Variants in ERBB4 observed in about 807,000 individuals in gnomAD.
The protein encoded by ERBB4 is erb-b2 receptor tyrosine kinase 4, also known as receptor tyrosine-protein kinase erbB-4.
In ERBB4, 42 loss-of-function variants were observed where a neutral mutation model predicts 158.0. The ratio of observed to expected loss-of-function variants is 0.27; its 90% CI spans 0.21 to 0.34. The LOEUF is 0.34. Ranked by LOEUF, ERBB4 falls within the 10% of genes least tolerant of loss-of-function variation. The probability of loss-of-function intolerance (pLI) is 1.00; values close to 1 mark genes in which losing one functional copy is unlikely to be tolerated. For missense variants in ERBB4, 1,333 were observed against 1,624.1 expected (o/e 0.82, Z 3.08); for synonymous variants, 583 against 558.7 (o/e 1.04, Z -0.61).
intron 3 of ERBB4, among the ~76,000 whole-genome samples, chr2:211,932,065 C>CT (rs1199812778): frequency 6.6e-6 from 1 of 151,960 alleles, no homozygotes; most frequent in Non-Finnish European, 1.5e-5. Flanking sequence ...AAAACTCAGG[C>CT]TTTTTTCTAC....
intron 3 of ERBB4, among the ~76,000 whole-genome samples, chr2:211,903,462 T>C (rs1341033666): frequency 6.6e-6 from 1 of 152,028 alleles, no homozygotes; most frequent in Admixed American, 6.6e-5. Flanking sequence ...GAAATCTGAC[T>C]TTGAAAGAAA....
chr2:212,273,134 AAAGAACAT>A (rs2085403828), intron 1 of ERBB4, among the ~76,000 whole-genome samples: 1 of 151,750 alleles, frequency 6.6e-6, no homozygotes, highest in African/African-American at 2.4e-5. Flanking sequence ...CTGGAAAAAG[AAAGAACAT>A]AATTTGCCAC....
At chr2:211,530,709 G>A (rs1213204225) in intron 20 of ERBB4, among the ~76,000 whole-genome samples, 1 of 151,968 alleles carries the variant, frequency 6.6e-6, no homozygotes, top group African/African-American at 2.4e-5. Context: ...GCAACATAGT[G>A]AAACCCTATT....
At chr2:211,658,510 T>C (rs942521346) in intron 15 of ERBB4, among the ~76,000 whole-genome samples, 9 of 152,308 alleles carry the variant, frequency 5.9e-5, no homozygotes, top group African/African-American at 2.2e-4. Context: ...ATGGATACTT[T>C]ACATAATCAC....
intron 2 of ERBB4, among the ~76,000 whole-genome samples, chr2:211,979,068 C>T (rs563953192): frequency 2.0e-5 from 3 of 152,176 alleles, no homozygotes; most frequent in Admixed American, 6.5e-5. Context: ...ACAGTAGCAA[C>T]GTAGATGCTC....
At chr2:211,587,117 C>A (rs1210703284) in intron 19 of ERBB4, among the ~76,000 whole-genome samples, 1 of 151,840 alleles carries the variant, frequency 6.6e-6, no homozygotes, top group Non-Finnish European at 1.5e-5. Context: ...TGCAGGGAGA[C>A]CAAGGTGTGT....
intron 14 of ERBB4, among the ~76,000 whole-genome samples, chr2:211,672,549 A>G (rs773251162): frequency 1.3e-5 from 2 of 152,140 alleles, no homozygotes; most frequent in African/African-American, 4.8e-5. Context: ...CCTCTGCCAT[A>G]GTATTTATTG....
At chr2:211,689,049 T>C (rs543839087) in intron 12 of ERBB4, among the ~76,000 whole-genome samples, 1 of 152,130 alleles carries the variant, frequency 6.6e-6, no homozygotes, top group African/African-American at 2.4e-5. Flanking sequence ...AGCTGAATGA[T>C]TTGATGTTTT....
chr2:211,897,375 A>G (rs990177093), intron 3 of ERBB4, among the ~76,000 whole-genome samples: 1 of 151,630 alleles, frequency 6.6e-6, no homozygotes, highest in African/African-American at 2.4e-5. Context: ...ATAGTGTTTT[A>G]CCTTTATAAT....
chr2:211,816,290 C>T (rs1052370480), intron 3 of ERBB4, among the ~76,000 whole-genome samples: 32 of 151,894 alleles, frequency 2.1e-4, no homozygotes, highest in African/African-American at 6.8e-4. Flanking sequence ...CCTGTAATCC[C>T]AGGGCTTTGG....
At chr2:212,311,483 C>T (rs962610781) in intron 1 of ERBB4, among the ~76,000 whole-genome samples, 1 of 150,772 alleles carries the variant, frequency 6.6e-6, no homozygotes, top group East Asian at 2.0e-4. Context: ...GTTGACTGCC[C>T]ATTAAAGCTA....
intron 1 of ERBB4, among the ~76,000 whole-genome samples, chr2:212,178,754 C>T (rs1040798099): frequency 6.6e-6 from 1 of 151,488 alleles, no homozygotes; most frequent in Admixed American, 6.6e-5. Context: ...AAGATAAGAG[C>T]AGGTAATTTA....
intron 3 of ERBB4, among the ~76,000 whole-genome samples, chr2:211,889,281 C>A (rs11892123): frequency 0.29 from 36,552 of 125,172 alleles, 7,211 homozygotes; most frequent in African/African-American, 0.42. Context: ...ACCCCCCAGC[C>A]GGGGCACACT....
chr2:211,902,745 T>C (rs556812213), intron 3 of ERBB4, among the ~76,000 whole-genome samples: 22 of 151,908 alleles, frequency 1.4e-4, no homozygotes, highest in African/African-American at 4.6e-4. Context: ...TCCTTCTATA[T>C]ACTTATCAGA....
intron 25 of ERBB4, among the ~76,000 whole-genome samples, chr2:211,397,071 G>A (rs2062935813): frequency 6.6e-6 from 1 of 152,030 alleles, no homozygotes; most frequent in Non-Finnish European, 1.5e-5. Context: ...ACAGAAACAG[G>A]CTGGTATTTA....
At chr2:212,506,060 G>C (rs1317301271) in intron 1 of ERBB4, among the ~76,000 whole-genome samples, 1 of 148,756 alleles carries the variant, frequency 6.7e-6, no homozygotes, top group African/African-American at 2.4e-5. Flanking sequence ...TGGACACATA[G>C]AATTTTGTGA....
intron 5 of ERBB4, among the ~76,000 whole-genome samples, chr2:211,739,169 T>G (rs547823855): frequency 3.3e-5 from 5 of 152,322 alleles, no homozygotes; most frequent in Admixed American, 2.6e-4. Context: ...ACCCATCTTA[T>G]GCCTTTTGTT....
chr2:211,742,436 G>C (rs1254171798), intron 5 of ERBB4, among the ~76,000 whole-genome samples: 1 of 152,158 alleles, frequency 6.6e-6, no homozygotes, highest in African/African-American at 2.4e-5. Flanking sequence ...ATTTCTTGTT[G>C]AAATTTTGAG....
Position 211,380,341 on chromosome 2 carries a change from T to C in ERBB4, c.*3274A>G. The C allele has an allele frequency of 4.3e-6, 1 of 230,362 alleles. No homozygotes were observed. The highest frequency in any genetic ancestry group is 8.6e-6 in the Non-Finnish European group (1 of 116,688). 14.3% of individuals were successfully genotyped at this position (230,362 alleles called of 1,614,324 possible). A position where few individuals can be genotyped will look rare whatever the true frequency, so the allele number is the denominator to read the frequency against. On this transcript the variant is annotated 3_prime_UTR_variant, in exon 28 of 28. Transcript: ENST00000342788. ...GTTTACCACTTTCTTTAGGCAATCA[T>C]TTAACTGCAAAATTTTTCCATACCT...
Sources: allele counts gnomAD v4.1 joint callset (sites outside exome capture counted in the v4.1 genomes callset), GRCh38; gene constraint gnomAD v4.1.1; transcripts MANE v1.5; gene names NCBI Gene and HGNC (gene_info 2026-07-23, HGNC 2026-07-21).